The following SEM1 variants were observed in gnomAD, a reference collection of about 807,000 sequenced individuals.
The protein encoded by SEM1 is SEM1 26S proteasome subunit, also known as 26S proteasome complex subunit SEM1.
In SEM1, 3 loss-of-function variants were observed where a neutral mutation model predicts 12.7. That is an observed-to-expected ratio of 0.24 (90% CI 0.11 to 0.61). SEM1 has a LOEUF of 0.61. Among genes scored for constraint, SEM1 ranks in the 20% least tolerant of loss-of-function variants. SEM1 has a pLI of 0.88. For synonymous variants in SEM1, 30 were observed against 27.8 expected, an observed-to-expected ratio of 1.08 and a Z score of -0.25; for missense variants, 59 against 81.3, an observed-to-expected ratio of 0.73 and a Z score of 1.06.
chr7:96,614,182 CAT>C (rs1282309814), intron 2 of SEM1, among the ~76,000 whole-genome samples: 1 of 152,160 alleles, frequency 6.6e-6, no homozygotes, highest in African/African-American at 2.4e-5. Flanking sequence ...ATTTTAAAGT[CAT>C]ATAGAGATTG....
intron 2 of SEM1, among the ~76,000 whole-genome samples, chr7:96,665,715 G>A (rs145428193): frequency 1.2e-4 from 19 of 152,252 alleles, no homozygotes; most frequent in Non-Finnish European, 2.2e-4. Context: ...CAAATACTGA[G>A]GTCTGGGTCC....
intron 2 of SEM1, among the ~76,000 whole-genome samples, chr7:96,562,707 AGTTTG>A (rs1179394809): frequency 6.6e-6 from 1 of 152,154 alleles, no homozygotes; most frequent in African/African-American, 2.4e-5. Context: ...GGTGGGGAGA[AGTTTG>A]GTAAGTTTCA....
intron 2 of SEM1, among the ~76,000 whole-genome samples, chr7:96,615,040 T>C (rs746306085): frequency 3.4e-4 from 52 of 152,202 alleles, no homozygotes; most frequent in Non-Finnish European, 6.8e-4. Context: ...TATCCATTTT[T>C]ACATATTGCA....
At chr7:96,672,544 G>A (rs1162991566), downstream of SEM1, 1 of 152,034 alleles carries the variant, frequency 6.6e-6, no homozygotes, top group Non-Finnish European at 1.5e-5. Context: ...TTCTCCAACT[G>A]CAATAGTCTG....
intron 2 of SEM1, among the ~76,000 whole-genome samples, chr7:96,571,041 T>A (rs1482954529): frequency 6.6e-6 from 1 of 152,030 alleles, no homozygotes; most frequent in East Asian, 1.9e-4. Flanking sequence ...GTTTGCCCAC[T>A]TTTTGATGGG....
At chr7:96,491,355 A>G (rs1584700425) in intron 1 of SEM1, among the ~76,000 whole-genome samples, 2 of 152,346 alleles carry the variant, frequency 1.3e-5, no homozygotes, top group Non-Finnish European at 1.5e-5. Flanking sequence ...AACCAGAGGC[A>G]GTGGTAGGCT....
chr7:96,493,984 A>C (rs556020830), intron 1 of SEM1, among the ~76,000 whole-genome samples: 1 of 152,300 alleles, frequency 6.6e-6, no homozygotes, highest in Admixed American at 6.5e-5. Context: ...TTTTGTGAGA[A>C]TCCTAAGATT....
intron 2 of SEM1, among the ~76,000 whole-genome samples, chr7:96,527,053 G>A (rs185194634): frequency 8.0e-4 from 122 of 152,096 alleles, no homozygotes; most frequent in African/African-American, 2.7e-3. Flanking sequence ...ATAAAGAAAC[G>A]TATTTCCTCG....
At chr7:96,585,424 G>T (rs1806586128) in intron 2 of SEM1, among the ~76,000 whole-genome samples, 1 of 151,720 alleles carries the variant, frequency 6.6e-6, no homozygotes, top group African/African-American at 2.4e-5. Flanking sequence ...CTTTTTGTTT[G>T]TCTGTGCCCT....
chr7:96,494,564 G>T (rs1355638866), intron 1 of SEM1, among the ~76,000 whole-genome samples: 1 of 152,100 alleles, frequency 6.6e-6, no homozygotes, highest in African/African-American at 2.4e-5. Flanking sequence ...ATGACATCCA[G>T]AAAGTTAACC....
chr7:96,538,749 C>T (rs1004957592), intron 2 of SEM1, among the ~76,000 whole-genome samples: 6 of 151,870 alleles, frequency 4.0e-5, no homozygotes, highest in Non-Finnish European at 8.8e-5. Flanking sequence ...CCTCTGCTCT[C>T]ACTTCCCCCT....
chr7:96,511,050 G>A (rs1674161610), intron 2 of SEM1, among the ~76,000 whole-genome samples: 1 of 152,104 alleles, frequency 6.6e-6, no homozygotes, highest in African/African-American at 2.4e-5. Flanking sequence ...GAGGAAGGCT[G>A]ACATTATCTT....
intron 1 of SEM1, among the ~76,000 whole-genome samples, chr7:96,702,006 G>T (rs1371972886): frequency 1.3e-5 from 2 of 152,092 alleles, no homozygotes; most frequent in Non-Finnish European, 2.9e-5. Context: ...CCACACTAGA[G>T]GATGGGAGGG....
chr7:96,566,967 A>G (rs1196062362), intron 2 of SEM1, among the ~76,000 whole-genome samples: 4 of 151,620 alleles, frequency 2.6e-5, no homozygotes, highest in African/African-American at 9.7e-5. Flanking sequence ...TATACATCTC[A>G]ACTCTTCCTT....
At chr7:96,693,790 G>GTGTGTGTATA (rs1023821213) in intron 2 of SEM1, among the ~76,000 whole-genome samples, 2 of 145,446 alleles carry the variant, frequency 1.4e-5, no homozygotes, top group African/African-American at 5.2e-5. Flanking sequence ...GTGTGTGTGT[G>GTGTGTGTATA]TATATATATA....
chr7:96,511,421 A>G (rs993387025), intron 2 of SEM1, among the ~76,000 whole-genome samples: 1 of 152,114 alleles, frequency 6.6e-6, no homozygotes, highest in African/African-American at 2.4e-5. Context: ...GAATTATGAA[A>G]AGTCTTCATG....
intron 2 of SEM1, among the ~76,000 whole-genome samples, chr7:96,565,516 C>T (rs1051361773): frequency 2.6e-5 from 4 of 151,996 alleles, no homozygotes; most frequent in African/African-American, 7.2e-5. Flanking sequence ...TCAGCTTCAA[C>T]AGAGGTGTTT....
At chr7:96,660,636 A>C (rs552071116) in intron 2 of SEM1, among the ~76,000 whole-genome samples, 15 of 152,242 alleles carry the variant, frequency 9.9e-5, no homozygotes, top group Admixed American at 3.3e-4. Flanking sequence ...TACTATCTCA[A>C]TTTCATCCAA....
At chr7:96,621,234 AT>A (rs1440018206), downstream of SEM1, among the ~76,000 whole-genome samples, 1 of 152,194 alleles carries the variant, frequency 6.6e-6, no homozygotes, top group African/African-American at 2.4e-5. Context: ...CAAGAAGCAA[AT>A]AAGTAATAAA....
Sources: gnomAD v4.1 joint callset for allele counts (sites outside exome capture counted in the v4.1 genomes callset) on GRCh38, gnomAD v4.1.1 for gene constraint, MANE v1.5 for transcripts, NCBI Gene and HGNC (gene_info 2026-07-23, HGNC 2026-07-21) for gene names.